The following RCBTB1 variants were observed in gnomAD, a reference collection of about 807,000 sequenced individuals.
RCBTB1 encodes the protein RCC1 and BTB domain containing protein 1.
Under a neutral mutation model 62.4 loss-of-function variants are expected in RCBTB1, and 46 were observed. The observed-to-expected ratio is 0.74, with a 90% CI of 0.58 to 0.94. The LOEUF is 0.94. RCBTB1 is among the 40% of genes least tolerant of loss of function. RCBTB1 has a pLI of 0.00. For synonymous variants in RCBTB1, 222 were observed against 245.8 expected, an observed-to-expected ratio of 0.90 and a Z score of 0.91; for missense variants, 565 against 654.9, an observed-to-expected ratio of 0.86 and a Z score of 1.50.
intron 6 of RCBTB1, among the ~76,000 whole-genome samples, chr13:49,552,698 A>G (rs537914369): frequency 1.3e-5 from 2 of 152,300 alleles, no homozygotes; most frequent in East Asian, 3.9e-4. Context: ...GCTGCAGAAC[A>G]GCAAGGAGGA....
At chr13:49,561,173 G>T (rs1380059597) in intron 4 of RCBTB1, among the ~76,000 whole-genome samples, 1 of 152,118 alleles carries the variant, frequency 6.6e-6, no homozygotes, top group Non-Finnish European at 1.5e-5. Context: ...AAAACATCCT[G>T]ACCTATTAAG....
At chr13:49,577,437 A>C (rs773786710) in intron 2 of RCBTB1, among the ~76,000 whole-genome samples, 3 of 152,254 alleles carry the variant, frequency 2.0e-5, no homozygotes, top group Non-Finnish European at 4.4e-5. Flanking sequence ...TCAATATTAA[A>C]CAACAGTGGA....
chr13:49,551,958 A>ATTT (rs5803472), intron 7 of RCBTB1, among the ~76,000 whole-genome samples: 5 of 137,534 alleles, frequency 3.6e-5, no homozygotes, highest in African/African-American at 1.1e-4. Flanking sequence ...GAATTTTTCC[A>ATTT]TTTTTTTTTT....
intron 12 of RCBTB1, among the ~76,000 whole-genome samples, chr13:49,539,083 T>G (rs1960156212): frequency 1.3e-5 from 2 of 152,126 alleles, no homozygotes; most frequent in Non-Finnish European, 2.9e-5. Context: ...TTGGCCAGGC[T>G]GGTCTCAAAC....
At chr13:49,543,032 C>A (rs1960507751) in intron 10 of RCBTB1, among the ~76,000 whole-genome samples, 1 of 152,170 alleles carries the variant, frequency 6.6e-6, no homozygotes, top group Admixed American at 6.5e-5. Flanking sequence ...CGAGGCAGGT[C>A]AGCCTCAATC....
intron 2 of RCBTB1, among the ~76,000 whole-genome samples, chr13:49,573,498 G>C (rs1319095786): frequency 1.3e-5 from 2 of 149,570 alleles, no homozygotes; most frequent in African/African-American, 4.9e-5. Context: ...GCCCAAGCTG[G>C]AGTGCTGTGG....
At chr13:49,575,924 A>T (rs1389475590) in intron 2 of RCBTB1, among the ~76,000 whole-genome samples, 1 of 152,178 alleles carries the variant, frequency 6.6e-6, no homozygotes, top group African/African-American at 2.4e-5. Flanking sequence ...GTGGTGGCTC[A>T]CGCCTGTAAT....
Position 49,552,232 on chromosome 13 carries a change from G to T in RCBTB1, c.657C>A (p.Gly219=). The T allele has an allele frequency of 6.2e-7, 1 of 1,601,512 alleles. No individual in the cohort carries two copies. Among genetic ancestry groups the T allele is most frequent in the Admixed American group, 1.7e-5 (1 of 58,376 alleles). The change falls in exon 7 of 13, where the codon GGC becomes GGA. Residue 219 remains glycine (G), a synonymous_variant. Transcript: ENST00000378302. ...CCACTCTCACAGGGGTCAGCTGGTT[G>T]CCATTGTTTCCCAGGCCCAGCTGAC... ...GNGQLGLGNN[G]NQLTPVRVAA...
chr13:49,542,523 CAAG>C (rs1447521140), intron 10 of RCBTB1, among the ~76,000 whole-genome samples: 2 of 152,038 alleles, frequency 1.3e-5, no homozygotes, highest in Non-Finnish European at 2.9e-5. Flanking sequence ...AATTCAGAAA[CAAG>C]AGTTCAAAAC....
At chr13:49,551,571 C>A in intron 7 of RCBTB1, 103 bp from the exon 8 acceptor site, 1 of 1,288,624 alleles carries the variant, frequency 7.8e-7, no homozygotes, top group Non-Finnish European at 1.1e-6. Context: ...GCCAAATCAT[C>A]ATCAGGGGTG....
chr13:49,574,774 A>C (rs115831213), intron 2 of RCBTB1, among the ~76,000 whole-genome samples: 1,677 of 152,320 alleles, frequency 0.011, 29 homozygotes, highest in African/African-American at 0.037. Context: ...AGACTTGAAC[A>C]GATAGTTGTA....
chr13:49,534,316 T>C (rs1959767645), intron 12 of RCBTB1, 54 bp from the exon 13 acceptor site: 2 of 1,569,098 alleles, frequency 1.3e-6, no homozygotes, highest in Admixed American at 3.5e-5. Flanking sequence ...CAACTTTGAT[T>C]GAATTACTTC....
chr13:49,533,105 T>C lies in RCBTB1; in HGVS notation c.*1017A>G, dbSNP rs1384592848. ...GATGATAAAGTTTCACATAAGCCAA[T>C]GTGTGATGGATTTGGCCTAAAGTAG... On this transcript the variant is annotated 3_prime_UTR_variant, in exon 13 of 13. Coordinates refer to ENST00000378302, the MANE Select transcript of RCBTB1 (RefSeq NM_018191.4). 6.6e-6 allele frequency: 1 copy of C among 152,116 alleles called. No individual in the cohort carries two copies. The highest frequency in any genetic ancestry group is 1.5e-5 in the Non-Finnish European group (1 of 68,010). The allele number at this position is 152,116 out of a possible 1,614,324, so 9.4% of individuals were successfully genotyped here. A position where few individuals can be genotyped will look rare whatever the true frequency, so the allele number is the denominator to read the frequency against.
intron 2 of RCBTB1, among the ~76,000 whole-genome samples, chr13:49,571,447 C>A (rs1963395340): frequency 6.6e-6 from 1 of 152,188 alleles, no homozygotes; most frequent in Non-Finnish European, 1.5e-5. Context: ...TTTATTCCTG[C>A]ACTTTTGCAT....
chr13:49,554,235 A>G (rs1961649959), intron 6 of RCBTB1, among the ~76,000 whole-genome samples: 1 of 152,206 alleles, frequency 6.6e-6, no homozygotes, highest in African/African-American at 2.4e-5. Flanking sequence ...CCAAAAAGAT[A>G]TGCATGAAAC....
intron 9 of RCBTB1, among the ~76,000 whole-genome samples, chr13:49,548,718 T>C (rs1961040868): frequency 6.6e-6 from 1 of 151,910 alleles, no homozygotes; most frequent in Non-Finnish European, 1.5e-5. Flanking sequence ...TATTGTATGC[T>C]TCCGCTTATA....
chr13:49,551,049 G>T, intron 8 of RCBTB1: 1 of 358,218 alleles, frequency 2.8e-6, no homozygotes, highest in East Asian at 6.3e-5. Flanking sequence ...GTTGCAGTGA[G>T]CCGAGATCGT....
intron 4 of RCBTB1, among the ~76,000 whole-genome samples, chr13:49,566,009 A>C (rs1594323234): frequency 6.6e-6 from 1 of 150,672 alleles, no homozygotes; most frequent in South Asian, 2.1e-4. Context: ...CTCAGGGTTA[A>C]ATGGATTAAG....
At chr13:49,569,713 T>C (rs959857550) in intron 2 of RCBTB1, among the ~76,000 whole-genome samples, 4 of 137,930 alleles carry the variant, frequency 2.9e-5, no homozygotes, top group Non-Finnish European at 1.5e-5. Flanking sequence ...TGAGAGACCC[T>C]GTCTCAAAAA....
Sources: gnomAD v4.1 joint callset for allele counts (sites outside exome capture counted in the v4.1 genomes callset) on GRCh38, gnomAD v4.1.1 for gene constraint, MANE v1.5 for transcripts, NCBI Gene and HGNC (gene_info 2026-07-23, HGNC 2026-07-21) for gene names.